Variants in ZNF804B observed in about 807,000 individuals in gnomAD.
ZNF804B encodes the protein zinc finger 804B.
In ZNF804B, 80 loss-of-function variants were observed where a neutral mutation model predicts 101.4. The ratio of observed to expected loss-of-function variants is 0.79; its 90% CI spans 0.66 to 0.95. The LOEUF (loss-of-function observed/expected upper bound fraction) is 0.95, where lower values mean the gene tolerates loss of function less well. Ranked by LOEUF, ZNF804B falls within the 40% of genes least tolerant of loss-of-function variation. The probability of loss-of-function intolerance (pLI) is 0.00; values close to 1 mark genes in which losing one functional copy is unlikely to be tolerated. For missense variants in ZNF804B, 1,673 were observed against 1,561.9 expected (o/e 1.07, Z -1.20); for synonymous variants, 622 against 558.8 (o/e 1.11, Z -1.59).
intron 1 of ZNF804B, among the ~76,000 whole-genome samples, chr7:89,048,161 A>G (rs748301626): frequency 1.3e-5 from 2 of 149,792 alleles, no homozygotes; most frequent in Non-Finnish European, 2.9e-5. Flanking sequence ...GCATCCTCAT[A>G]GCTTAGCCCC....
At chr7:88,986,111 C>G (rs1373263203) in intron 1 of ZNF804B, among the ~76,000 whole-genome samples, 1 of 152,112 alleles carries the variant, frequency 6.6e-6, no homozygotes, top group Non-Finnish European at 1.5e-5. Flanking sequence ...CCATGAACTA[C>G]ATTAATATAA....
chr7:89,260,588 A>C (rs370528136), intron 2 of ZNF804B, among the ~76,000 whole-genome samples: 1 of 152,010 alleles, frequency 6.6e-6, no homozygotes, highest in East Asian at 1.9e-4. Flanking sequence ...TAATGACTTC[A>C]TTTTTTCTCA....
At chr7:89,195,936 C>T (rs535923261) in intron 1 of ZNF804B, among the ~76,000 whole-genome samples, 2 of 152,092 alleles carry the variant, frequency 1.3e-5, no homozygotes, top group Non-Finnish European at 2.9e-5. Context: ...ATTCCATGCT[C>T]ATGAATAAGA....
chr7:89,066,105 C>T (rs573874309), intron 1 of ZNF804B, among the ~76,000 whole-genome samples: 1 of 152,252 alleles, frequency 6.6e-6, no homozygotes, highest in Admixed American at 6.5e-5. Context: ...TGATGTCACA[C>T]TTTACCTAAG....
At chr7:89,287,087 A>G (rs1252968218) in intron 2 of ZNF804B, among the ~76,000 whole-genome samples, 2 of 152,290 alleles carry the variant, frequency 1.3e-5, no homozygotes, top group Non-Finnish European at 2.9e-5. Flanking sequence ...TATTTTTCTT[A>G]TAATTTTCTT....
At chr7:89,223,606 A>ATTATTTATTTATTTAT (rs35199718) in intron 2 of ZNF804B, among the ~76,000 whole-genome samples, 2,275 of 146,822 alleles carry the variant, frequency 0.015, 33 homozygotes, top group African/African-American at 0.028. Context: ...AAAAATTAAG[A>ATTATTTATTTATTTAT]TTATTTATTT....
At chr7:89,094,674 AT>A (rs35860742) in intron 1 of ZNF804B, among the ~76,000 whole-genome samples, 1 of 150,982 alleles carries the variant, frequency 6.6e-6, no homozygotes, top group Admixed American at 6.6e-5. Flanking sequence ...TTGTTTATAC[AT>A]TTTTTTTTCA....
At chr7:89,022,091 A>C (rs12674068) in intron 1 of ZNF804B, among the ~76,000 whole-genome samples, 108,855 of 151,454 alleles carry the variant, frequency 0.72, 39,774 homozygotes, top group African/African-American at 0.87. Context: ...TCTTGACTTC[A>C]GGTTGATCTC....
intron 1 of ZNF804B, among the ~76,000 whole-genome samples, chr7:88,850,480 A>G (rs7802075): frequency 0.063 from 9,594 of 152,188 alleles, 435 homozygotes; most frequent in South Asian, 0.16. Context: ...CGTGGAAAAA[A>G]CACCCAAAAG....
At chr7:88,894,466 C>A (rs1266930245) in intron 1 of ZNF804B, among the ~76,000 whole-genome samples, 1 of 152,090 alleles carries the variant, frequency 6.6e-6, no homozygotes, top group South Asian at 2.1e-4. Flanking sequence ...CCCACGTCAG[C>A]CTCCCAAAGT....
intron 2 of ZNF804B, among the ~76,000 whole-genome samples, chr7:89,294,710 T>C (rs981021951): frequency 6.6e-6 from 1 of 152,034 alleles, no homozygotes; most frequent in Admixed American, 6.6e-5. Context: ...ATATTAAAAT[T>C]TTAGGGCCTT....
Position 89,334,554 on chromosome 7 carries a change from A to G in ZNF804B, c.1572A>G (p.Gln524=), listed in dbSNP as rs750881687. 1 of 1,613,660 alleles carries G rather than the reference A, an allele frequency of 6.2e-7. No homozygotes were observed. The highest frequency in any genetic ancestry group is 8.5e-7 in the Non-Finnish European group (1 of 1,179,814). ...TCTCAGGTTTAACTGAAGACCAACA[A>G]AAATTGATCCAAGAAGATTATCAAT... ...SQVSGLTEDQ[Q]KLIQEDYQYP... The change falls in exon 4 of 4, where the codon CAA becomes CAG. Residue 524 remains glutamine (Q), a synonymous_variant. Coordinates refer to ENST00000333190, the MANE Select transcript of ZNF804B (RefSeq NM_181646.5).
chr7:89,324,144 G>A (rs1480252006), intron 2 of ZNF804B, among the ~76,000 whole-genome samples: 2 of 150,978 alleles, frequency 1.3e-5, no homozygotes, highest in Admixed American at 6.6e-5. Flanking sequence ...GTAAGTATTG[G>A]ATTTGCAATT....
intron 1 of ZNF804B, among the ~76,000 whole-genome samples, chr7:89,053,569 T>G (rs1455536229): frequency 6.6e-6 from 1 of 152,128 alleles, no homozygotes; most frequent in East Asian, 1.9e-4. Flanking sequence ...TGTTACTATA[T>G]TATTTTTCAG....
At chr7:88,825,694 T>A (rs1453599664) in intron 1 of ZNF804B, among the ~76,000 whole-genome samples, 1 of 152,178 alleles carries the variant, frequency 6.6e-6, no homozygotes, top group Non-Finnish European at 1.5e-5. Context: ...AGATTGAGTC[T>A]GGATGACTCC....
intron 1 of ZNF804B, among the ~76,000 whole-genome samples, chr7:89,209,667 T>C (rs1788773665): frequency 6.6e-6 from 1 of 152,224 alleles, no homozygotes; most frequent in Non-Finnish European, 1.5e-5. Flanking sequence ...ATTCCAACAG[T>C]CTAATTCTCC....
intron 1 of ZNF804B, among the ~76,000 whole-genome samples, chr7:89,076,488 A>T (rs1479592402): frequency 6.6e-6 from 1 of 152,172 alleles, no homozygotes; most frequent in Admixed American, 6.5e-5. Flanking sequence ...TTGTAAATCC[A>T]TTAAACCTCT....
chr7:88,971,891 A>G (rs1793544437), intron 1 of ZNF804B, among the ~76,000 whole-genome samples: 1 of 151,516 alleles, frequency 6.6e-6, no homozygotes, highest in African/African-American at 2.4e-5. Flanking sequence ...GGAGTGGAAG[A>G]GATTAAGTAG....
At chr7:89,016,238 C>A (rs936050753) in intron 1 of ZNF804B, among the ~76,000 whole-genome samples, 1 of 152,020 alleles carries the variant, frequency 6.6e-6, no homozygotes, top group Non-Finnish European at 1.5e-5. Context: ...TGGATATTAG[C>A]GCTTTGTCAG....
Sources: gnomAD v4.1 joint callset for allele counts (sites outside exome capture counted in the v4.1 genomes callset) on GRCh38, gnomAD v4.1.1 for gene constraint, MANE v1.5 for transcripts, NCBI Gene and HGNC (gene_info 2026-07-23, HGNC 2026-07-21) for gene names.